The following TRIAP1 variants were observed in gnomAD, a reference collection of about 807,000 sequenced individuals.
TRIAP1 encodes TP53-regulated inhibitor of apoptosis 1.
TRIAP1 carries 8 observed loss-of-function variants against 8.4 expected under a neutral mutation model. The observed-to-expected ratio is 0.96, with a 90% confidence interval of 0.56 to 1.73. The LOEUF is 1.73. TRIAP1 is among the 40% of genes most tolerant of loss of function. The probability of loss-of-function intolerance (pLI) is 0.00; values close to 1 mark genes in which losing one functional copy is unlikely to be tolerated. For missense variants in TRIAP1, 90 were observed against 96.9 expected, an observed-to-expected ratio of 0.93 and a Z score of 0.30; for synonymous variants, 35 against 34.0, an observed-to-expected ratio of 1.03 and a Z score of -0.10.
intron 1 of TRIAP1, 146 bp from the exon 2 acceptor site, chr12:120,445,101 C>G (rs111315290): frequency 6.1e-6 from 4 of 651,660 alleles, no homozygotes. Flanking sequence ...TTTTAAAAAA[C>G]AAGTACCGGT....
chr12:120,445,787 AT>A (rs912956027), intron 1 of TRIAP1, among the ~76,000 whole-genome samples: 3 of 152,202 alleles, frequency 2.0e-5, no homozygotes, highest in African/African-American at 7.2e-5. Flanking sequence ...CAACAAAAAA[AT>A]GTGACCCTCC....
rs1000838329 is a variant in TRIAP1 at position 120,446,384 on chromosome 12, T to C, written c.-12A>G. The C allele has an allele frequency of 6.2e-7, 1 of 1,612,486 alleles. No individual in the cohort carries two copies. Among genetic ancestry groups the C allele is most frequent in the Non-Finnish European group, 8.5e-7 (1 of 1,178,640 alleles). ...CCCACACTGTTCATGGCGACAGTGG[T>C]GGCGGCGGCGACGACGGCGCACTCT... On this transcript the variant is annotated 5_prime_UTR_variant, in exon 1 of 2. Coordinates refer to ENST00000546954, the MANE Select transcript of TRIAP1 (RefSeq NM_016399.3).
Position 120,444,624 on chromosome 12 carries a change from T to C in TRIAP1, c.*248A>G. 1 of 454,054 alleles carries C rather than the reference T, an allele frequency of 2.2e-6. No homozygotes were observed. The highest frequency in any genetic ancestry group is 4.0e-6 in the Non-Finnish European group (1 of 250,294). The allele number at this position is 454,054 out of a possible 1,614,324, so 28.1% of individuals were successfully genotyped here. A position where few individuals can be genotyped will look rare whatever the true frequency, so the allele number is the denominator to read the frequency against. On this transcript the variant is annotated 3_prime_UTR_variant, in exon 2 of 2. Transcript: ENST00000546954. The stretch of plus-strand genomic sequence containing the variant: ...GTAAAGCTGATTCCACGCCAAGTAT[T>C]GCAACCATAATCTCAAAAAAATTGT...
chr12:120,446,321 AC>A lies in TRIAP1; in HGVS notation c.51del (p.Gln17HisfsTer36). On this transcript the variant is annotated frameshift_variant, in exon 1 of 2. Coordinates refer to ENST00000546954, the MANE Select transcript of TRIAP1 (RefSeq NM_016399.3). LOFTEE classifies it high-confidence loss of function. Reference protein sequence around the residue: ...ACTDMKREYDQCFNRWFAEKF... With the variant: ...ACTDMKREYDXCFNRWFAEKF... ...TTCTCGGCGAACCAGCGATTGAAGCACTGGTCGTACTCGCGCTTCATGTCCG... is the reference window on the plus strand; with the variant it reads ...TTCTCGGCGAACCAGCGATTGAAGCATGGTCGTACTCGCGCTTCATGTCCG... 1 of 1,614,198 alleles carries A rather than the reference AC, an allele frequency of 6.2e-7. No homozygotes were observed. The highest frequency in any genetic ancestry group is 8.5e-7 in the Non-Finnish European group (1 of 1,180,048).
At chr12:120,446,159 T>C (rs910874549) in intron 1 of TRIAP1, 67 bp downstream of exon 1, 3 of 1,586,962 alleles carry the variant, frequency 1.9e-6, no homozygotes, top group African/African-American at 2.7e-5. Context: ...CCCCGTAAAA[T>C]ACGATGAGTG....
chr12:120,445,921 T>C, intron 1 of TRIAP1: 1 of 333,498 alleles, frequency 3.0e-6, no homozygotes, highest in Non-Finnish European at 5.5e-6. Context: ...TTCCTATTTC[T>C]GGGTGTTAGT....
In TRIAP1 at chr12:120,444,538, G is replaced by C. The variant is rs1285697564; in HGVS notation, c.*334C>G. On this transcript the variant is annotated 3_prime_UTR_variant, in exon 2 of 2. Transcript: ENST00000546954. ...ATGTCTTTTGCAGCAGAAATCAAGAGGTCAGGCAGCTCTGCTCATCCTGAC... is the reference window on the plus strand; with the variant it reads ...ATGTCTTTTGCAGCAGAAATCAAGACGTCAGGCAGCTCTGCTCATCCTGAC... The C allele has an allele frequency of 3.1e-6, 1 of 319,956 alleles. No homozygotes were observed. The highest frequency in any genetic ancestry group is 2.2e-5 in the African/African-American group (1 of 44,962). 19.8% of individuals were successfully genotyped at this position (319,956 alleles called of 1,614,324 possible). A position where few individuals can be genotyped will look rare whatever the true frequency, so the allele number is the denominator to read the frequency against.
Position 120,444,424 on chromosome 12 carries a change from G to T in TRIAP1, c.*448C>A, listed in dbSNP as rs1445881159. 1.2e-5 allele frequency: 2 copies of T among 160,552 alleles called. No homozygotes were observed. The highest frequency in any genetic ancestry group is 2.7e-5 in the Non-Finnish European group (2 of 73,804). 9.9% of individuals were successfully genotyped at this position (160,552 alleles called of 1,614,324 possible). On this transcript the variant is annotated 3_prime_UTR_variant, in exon 2 of 2. Transcript: ENST00000546954. ...GCACTCACTGAAACTGTTGTGCCCAGATCCCTTTTCAGAGCATTAGTTCCC... is the reference window on the plus strand; with the variant it reads ...GCACTCACTGAAACTGTTGTGCCCATATCCCTTTTCAGAGCATTAGTTCCC...
Position 120,446,383 on chromosome 12 carries a change from G to T in TRIAP1, c.-11C>A. ...CCCCACACTGTTCATGGCGACAGTG[G>T]TGGCGGCGGCGACGACGGCGCACTC... On this transcript the variant is annotated 5_prime_UTR_variant, in exon 1 of 2. Coordinates refer to ENST00000546954, the MANE Select transcript of TRIAP1 (RefSeq NM_016399.3). 1 of 1,612,536 alleles carries T rather than the reference G, an allele frequency of 6.2e-7. No homozygotes were observed. The highest frequency in any genetic ancestry group is 8.5e-7 in the Non-Finnish European group (1 of 1,178,676).
intron 1 of TRIAP1, 65 bp downstream of exon 1, chr12:120,446,161 C>T: frequency 1.3e-6 from 2 of 1,588,222 alleles, no homozygotes; most frequent in Non-Finnish European, 1.7e-6. Context: ...CCGTAAAATA[C>T]GATGAGTGTG....
chr12:120,446,031 C>T (rs1877843072), intron 1 of TRIAP1, 195 bp downstream of exon 1: 1 of 696,670 alleles, frequency 1.4e-6, no homozygotes, highest in African/African-American at 1.8e-5. Flanking sequence ...AAAAGCACTG[C>T]CCCAATATTT....
intron 1 of TRIAP1, 93 bp downstream of exon 1, chr12:120,446,133 C>G (rs1294285490): frequency 6.5e-7 from 1 of 1,534,020 alleles, no homozygotes; most frequent in African/African-American, 1.4e-5. Flanking sequence ...CTCCACCCTT[C>G]CAGTCCAGTC....
chr12:120,444,970 A>C lies in TRIAP1; in HGVS notation c.148-15T>G. The C allele has an allele frequency of 6.3e-7, 1 of 1,592,360 alleles. No homozygotes were observed. The highest frequency in any genetic ancestry group is 1.1e-5 in the South Asian group (1 of 89,970). The stretch of plus-strand genomic sequence containing the variant: ...TTTATTGCTTTCTGGTAGGAGGAGA[A>C]AACACATTATAAAGACCTACATGAA... On this transcript the variant is annotated splice_polypyrimidine_tract_variant and intron_variant, in intron 1 of 1. Coordinates refer to ENST00000546954, the MANE Select transcript of TRIAP1 (RefSeq NM_016399.3).
intron 1 of TRIAP1, 155 bp downstream of exon 1, chr12:120,446,071 G>A: frequency 9.6e-7 from 1 of 1,044,324 alleles, no homozygotes; most frequent in Non-Finnish European, 1.3e-6. Context: ...AAGTGGCCTC[G>A]GTGGTGATGG....
At chr12:120,445,089 C>G in intron 1 of TRIAP1, 134 bp from the exon 2 acceptor site, 2 of 703,500 alleles carry the variant, frequency 2.8e-6, no homozygotes, top group Non-Finnish European at 4.7e-6. Flanking sequence ...AAACCACATA[C>G]TTTTTAAAAA....
chr12:120,446,033 C>T (rs1305973118), intron 1 of TRIAP1, 193 bp downstream of exon 1: 3 of 704,748 alleles, frequency 4.3e-6, no homozygotes, highest in Non-Finnish European at 6.8e-6. Flanking sequence ...AAGCACTGCC[C>T]CAATATTTGT....
At chr12:120,446,167 G>T in intron 1 of TRIAP1, 59 bp downstream of exon 1, 1 of 1,598,878 alleles carries the variant, frequency 6.3e-7, no homozygotes, top group African/African-American at 1.3e-5. Context: ...AATACGATGA[G>T]TGTGGTGGGA....
intron 1 of TRIAP1, among the ~76,000 whole-genome samples, chr12:120,445,669 T>C (rs562341305): frequency 4.6e-5 from 7 of 152,306 alleles, no homozygotes; most frequent in African/African-American, 1.4e-4. Flanking sequence ...GGTGCTGTTC[T>C]TAACAATTCA....
Position 120,444,884 on chromosome 12 carries a change from T to G in TRIAP1, c.219A>C (p.Glu73Asp), listed in dbSNP as rs578104537. ...GTGACTGTCAAGGTCAAGAAGAATT[T>G]TCAGGCTTTTCTTTGCCATGGCCCA... Reference protein sequence around the residue: ...EFMGHGKEKPENSS With the variant: ...EFMGHGKEKPDNSS Residue 73 changes from glutamate (E) to aspartate (D), a missense_variant, in exon 2 of 2, where the codon GAA becomes GAC. By Grantham distance (45) the Glu-to-Asp change is conservative (BLOSUM62 2). Transcript: ENST00000546954. The G allele has an allele frequency of 2.0e-5, 32 of 1,613,612 alleles. No homozygotes were observed. The Admixed American group carries it at 4.7e-4, about 24-fold the overall frequency.
Sources: gnomAD v4.1 joint callset for allele counts (sites outside exome capture counted in the v4.1 genomes callset) on GRCh38, gnomAD v4.1.1 for gene constraint, MANE v1.5 for transcripts, NCBI Gene and HGNC (gene_info 2026-07-23, HGNC 2026-07-21) for gene names.